The following COL6A5 variants were observed in gnomAD, a reference collection of about 807,000 sequenced individuals.
COL6A5 encodes the protein collagen alpha-5(VI) chain.
COL6A5 carries 48 observed loss-of-function variants against 65.6 expected under a neutral mutation model. The observed-to-expected ratio is 0.73, with a 90% CI of 0.58 to 0.93. COL6A5 has a LOEUF of 0.93. Ranked by LOEUF, COL6A5 falls within the 40% of genes least tolerant of loss-of-function variation. The probability of loss-of-function intolerance (pLI) is 0.00; values close to 1 mark genes in which losing one functional copy is unlikely to be tolerated. For synonymous variants in COL6A5, 291 were observed against 322.8 expected (o/e 0.90, Z 1.05); for missense variants, 914 against 928.3 (o/e 0.98, Z 0.20).
chr3:130,470,962 T>G (rs377154331), exon 7 of COL6A5: 1 of 1,609,454 alleles, frequency 6.2e-7, no homozygotes, highest in Non-Finnish European at 8.5e-7. Context: ...CAGAAAACAC[T>G]GTATTGTGAG....
intron 4 of COL6A5, among the ~76,000 whole-genome samples, chr3:130,382,732 A>G (rs889623402): frequency 1.3e-5 from 2 of 152,134 alleles, no homozygotes; most frequent in Non-Finnish European, 2.9e-5. Flanking sequence ...TCCCTGCTAT[A>G]TCTACTACAT....
intron 29 of COL6A5, among the ~76,000 whole-genome samples, chr3:130,424,626 A>G (rs542466598): frequency 6.0e-4 from 91 of 152,268 alleles, no homozygotes; most frequent in Admixed American, 1.7e-3. Flanking sequence ...GATTACTTGA[A>G]GAGGTTCTTG....
intron 1 of COL6A5, 62 bp from the exon 2 acceptor site, chr3:130,373,549 C>G: frequency 1.4e-5 from 11 of 759,634 alleles, no homozygotes; most frequent in Non-Finnish European, 1.6e-5. Context: ...TACAACTATC[C>G]TGACAGTTAC....
exon 8 of COL6A5, chr3:130,484,522 T>C (rs1200103048): frequency 7.5e-6 from 3 of 399,028 alleles, no homozygotes; most frequent in East Asian, 7.1e-5. Flanking sequence ...GGGGTGACCC[T>C]AACATTTCAT....
At chr3:130,428,519 A>G (rs1937659268), upstream of COL6A5, among the ~76,000 whole-genome samples, 1 of 152,212 alleles carries the variant, frequency 6.6e-6, no homozygotes, top group African/African-American at 2.4e-5. Context: ...AAAGATTTTT[A>G]GGAAAAATCA....
intron 24 of COL6A5, among the ~76,000 whole-genome samples, chr3:130,417,024 A>G (rs1937364434): frequency 6.6e-6 from 1 of 151,668 alleles, no homozygotes; most frequent in Non-Finnish European, 1.5e-5. Flanking sequence ...CCATCAACCC[A>G]TCGTCTAGGT....
chr3:130,403,158 A>T lies in COL6A5; in HGVS notation c.4228-451A>T, dbSNP rs116479481. ...CAGTTAAACCACATGTGGCTAAGGG[A>T]GAGATGACTGCAATTAAAATATATG... On this transcript the variant is annotated intron_variant and NMD_transcript_variant, in intron 12 of 41. Transcript: ENST00000312481. Among the ~76,000 whole-genome samples, 787 of 152,352 alleles carry T rather than the reference A, an allele frequency of 5.2e-3. 9 individuals are homozygous for T. Among genetic ancestry groups the T allele is most frequent in the African/African-American group, 0.018 (745 of 41,586 alleles).
At chr3:130,451,636 G>A (rs755036299) in intron 4 of COL6A5, among the ~76,000 whole-genome samples, 3 of 151,718 alleles carry the variant, frequency 2.0e-5, no homozygotes, top group South Asian at 2.1e-4. Flanking sequence ...TGTGTGAGTC[G>A]GGGCTGCAGG....
chr3:130,413,693 G>A, intron 21 of COL6A5, 113 bp downstream of exon 21: 2 of 1,079,596 alleles, frequency 1.9e-6, no homozygotes, highest in South Asian at 1.4e-5. Context: ...TATAGGAAGT[G>A]CCCAGTACTG....
At position 130,406,039 on chromosome 3, in the gene COL6A5, G is replaced by A. The variant is rs1376563003; in HGVS notation, c.4380+20G>A. On this transcript the variant is annotated intron_variant and NMD_transcript_variant, in intron 15 of 41. Coordinates refer to the COL6A5 transcript ENST00000312481. ...CCTAAGGTACTGGAGTTTTTTCTTA[G>A]TTTAATTTGATTTCCAAATGGGATT... 1 of 1,551,308 alleles carries A rather than the reference G, an allele frequency of 6.4e-7. No homozygotes were observed.
chr3:130,372,364 T>C (rs1935599609), intron 1 of COL6A5, among the ~76,000 whole-genome samples: 1 of 152,014 alleles, frequency 6.6e-6, no homozygotes, highest in South Asian at 2.1e-4. Flanking sequence ...TGTACATAAG[T>C]GTTCATAGCA....
At chr3:130,415,747 A>C in intron 23 of COL6A5, 40 bp downstream of exon 23, 2 of 1,457,052 alleles carry the variant, frequency 1.4e-6, no homozygotes, top group Non-Finnish European at 1.8e-6. Flanking sequence ...GACTCTCAAC[A>C]GTTATTTTCC....
At chr3:130,484,657 T>C (rs1476804879) in exon 8 of COL6A5, 4 of 398,192 alleles carry the variant, frequency 1.0e-5, no homozygotes, top group African/African-American at 2.1e-5. Context: ...GATAAGAGGC[T>C]AATTTTATGA....
chr3:130,410,797 G>A (rs141723820), intron 20 of COL6A5, among the ~76,000 whole-genome samples: 194 of 152,234 alleles, frequency 1.3e-3, no homozygotes, highest in African/African-American at 3.8e-3. Flanking sequence ...ATTCACAAGC[G>A]TCTCTAAATA....
exon 3 of COL6A5, chr3:130,376,802 G>A: frequency 1.2e-6 from 2 of 1,613,302 alleles, no homozygotes; most frequent in Non-Finnish European, 8.5e-7. Flanking sequence ...ATGTAACCAA[G>A]TATAAGGAGG....
At chr3:130,468,502 A>C (rs1387802151) in intron 5 of COL6A5, among the ~76,000 whole-genome samples, 1 of 152,082 alleles carries the variant, frequency 6.6e-6, no homozygotes, top group East Asian at 1.9e-4. Flanking sequence ...CTCAACTTGC[A>C]TATTAAAATA....
intron 4 of COL6A5, among the ~76,000 whole-genome samples, chr3:130,382,599 A>G (rs1936037340): frequency 6.6e-6 from 1 of 152,112 alleles, no homozygotes; most frequent in African/African-American, 2.4e-5. Context: ...TCCCTAATGA[A>G]TTCAGGCTAG....
intron 4 of COL6A5, among the ~76,000 whole-genome samples, chr3:130,452,910 A>G (rs960707726): frequency 6.6e-6 from 1 of 152,176 alleles, no homozygotes; most frequent in African/African-American, 2.4e-5. Flanking sequence ...CTTGCTGAGA[A>G]AAAGAATTCA....
At chr3:130,362,276 C>T (rs1935140329) in intron 1 of COL6A5, among the ~76,000 whole-genome samples, 1 of 133,476 alleles carries the variant, frequency 7.5e-6, no homozygotes, top group Non-Finnish European at 1.6e-5. Flanking sequence ...CTCTCTTTGT[C>T]TCTGTCTTTC....
Sources: gnomAD v4.1 joint callset for allele counts (sites outside exome capture counted in the v4.1 genomes callset) on GRCh38, gnomAD v4.1.1 for gene constraint, MANE v1.5 for transcripts, NCBI Gene and HGNC (gene_info 2026-07-23, HGNC 2026-07-21) for gene names.